ARHGEF10L: variants seen among roughly 807,000 people sequenced by gnomAD.
The protein encoded by ARHGEF10L is rho guanine nucleotide exchange factor 10-like protein.
In ARHGEF10L, 69 loss-of-function variants were observed where a neutral mutation model predicts 141.2. That is an observed-to-expected ratio of 0.49 (90% CI 0.40 to 0.60). The LOEUF (loss-of-function observed/expected upper bound fraction) is 0.60, where lower values mean the gene tolerates loss of function less well. Ranked by LOEUF, ARHGEF10L falls within the 20% of genes least tolerant of loss-of-function variation. ARHGEF10L has a pLI of 0.00. For missense variants in ARHGEF10L, 1,482 were observed against 1,734.3 expected (o/e 0.85, Z 2.58); for synonymous variants, 711 against 718.5 (o/e 0.99, Z 0.17).
chr1:17,670,852 A>C (rs1263767632), intron 26 of ARHGEF10L, among the ~76,000 whole-genome samples: 1 of 151,978 alleles, frequency 6.6e-6, no homozygotes, highest in Non-Finnish European at 1.5e-5. Flanking sequence ...CCAGGCCTTC[A>C]CCTCTGTTGT....
chr1:17,559,824 G>T (rs2077477617), intron 1 of ARHGEF10L, among the ~76,000 whole-genome samples: 1 of 152,080 alleles, frequency 6.6e-6, no homozygotes, highest in African/African-American at 2.4e-5. Context: ...GCTGGGGAGG[G>T]TGACTGTCCT....
At chr1:17,695,114 G>C (rs748575278) in intron 27 of ARHGEF10L, 44 bp from the exon 28 acceptor site, 2 of 1,610,028 alleles carry the variant, frequency 1.2e-6, no homozygotes, top group Admixed American at 1.7e-5. Context: ...AGCCCATGCT[G>C]TCTCCCCAGG....
At chr1:17,655,816 A>C (rs1322260718) in intron 23 of ARHGEF10L, 63 bp from the exon 24 acceptor site, 29 of 1,441,754 alleles carry the variant, frequency 2.0e-5, no homozygotes, top group Non-Finnish European at 2.6e-5. Context: ...GCAGGGGCTG[A>C]GGTCCTCCTC....
At chr1:17,543,452 C>T (rs552759424) in intron 1 of ARHGEF10L, among the ~76,000 whole-genome samples, 1 of 151,670 alleles carries the variant, frequency 6.6e-6, no homozygotes, top group East Asian at 2.0e-4. Context: ...GTGTGGTGGC[C>T]CATGCCTGTA....
Position 17,625,809 on chromosome 1 carries a change from C to T in ARHGEF10L, c.1318-147C>T. On this transcript the variant is annotated intron_variant, in intron 13 of 28. Transcript: ENST00000361221. This position sits in a 1 kb window ranked among gnomAD's most constrained non-coding sequence, Gnocchi z 4.5. ...GATCCCTGGCTGCAGAACCACGGAC[C>T]TCTCTCAGCTCTTCTTGCAAGCCCA... The T allele has an allele frequency of 1.5e-6, 1 of 676,498 alleles. No homozygotes were observed. Among genetic ancestry groups the T allele is most frequent in the Non-Finnish European group, 2.5e-6 (1 of 394,764 alleles). 41.9% of individuals were successfully genotyped at this position (676,498 alleles called of 1,614,324 possible).
intron 18 of ARHGEF10L, among the ~76,000 whole-genome samples, chr1:17,637,324 G>T (rs894270408): frequency 9.9e-5 from 15 of 152,102 alleles, no homozygotes; most frequent in Admixed American, 2.6e-4. Context: ...CCCTATGCAG[G>T]CCCCTCCTCT....
intron 7 of ARHGEF10L, among the ~76,000 whole-genome samples, chr1:17,609,965 C>T (rs1001976359): frequency 1.3e-5 from 2 of 152,212 alleles, no homozygotes; most frequent in Non-Finnish European, 2.9e-5. Context: ...GCAGTGTGAC[C>T]AGATGGGGCT....
At chr1:17,611,106 C>G (rs2059526837) in intron 7 of ARHGEF10L, among the ~76,000 whole-genome samples, 1 of 152,228 alleles carries the variant, frequency 6.6e-6, no homozygotes, top group Non-Finnish European at 1.5e-5. Flanking sequence ...CCAGCCTGGT[C>G]TACCCCCTGC....
intron 1 of ARHGEF10L, among the ~76,000 whole-genome samples, chr1:17,561,940 C>T (rs1360658849): frequency 6.6e-6 from 1 of 152,216 alleles, no homozygotes; most frequent in East Asian, 1.9e-4. Context: ...CAGAGCTGCA[C>T]AGACCTGGGC....
Position 17,651,272 on chromosome 1 carries a change from T to C in ARHGEF10L, c.2394+2597T>C, listed in dbSNP as rs531931114. ...GCCGTCGGCAAGGGAGGTGGACACA[T>C]TGGGGATGTGTTGGGGTGGGACAGG... is the stretch of plus-strand genomic sequence containing the variant. On this transcript the variant is annotated intron_variant, in intron 22 of 28. Coordinates refer to ENST00000361221, the MANE Select transcript of ARHGEF10L (RefSeq NM_018125.4). 2.6e-5 allele frequency among the ~76,000 whole-genome samples: 4 copies of C among 152,068 alleles called. No individual in the cohort carries two copies. In the South Asian group the frequency reaches 6.2e-4, roughly 24 times the overall value.
chr1:17,588,600 C>G, intron 4 of ARHGEF10L, 121 bp downstream of exon 4: 5 of 1,242,816 alleles, frequency 4.0e-6, no homozygotes, highest in Non-Finnish European at 5.8e-6. Flanking sequence ...AGGAGGAAAG[C>G]ATTTCACTGA....
chr1:17,514,572 G>T, the ARHGEF10L span, among the ~76,000 whole-genome samples: 1 of 152,192 alleles, frequency 6.6e-6, no homozygotes, highest in Non-Finnish European at 1.5e-5. Flanking sequence ...AAATGGGAGG[G>T]TTGTTTGGGA....
chr1:17,634,580 C>T lies in ARHGEF10L; in HGVS notation c.1745+18C>T, dbSNP rs201468045. ...AACCACAGGTACGTGGTTCAGGGGG[C>T]TCCGGGGCTCTGGGGCTCTGGGGCT... On this transcript the variant is annotated intron_variant, in intron 17 of 28. Transcript: ENST00000361221. The T allele has an allele frequency of 1.2e-5, 20 of 1,613,414 alleles. No individual in the cohort carries two copies. In the Admixed American group the frequency reaches 3.3e-4, roughly 27 times the overall value.
At chr1:17,540,741 G>T (rs531788990) in intron 1 of ARHGEF10L, among the ~76,000 whole-genome samples, 3 of 152,322 alleles carry the variant, frequency 2.0e-5, no homozygotes, top group South Asian at 4.1e-4. Flanking sequence ...GTGGTGGCTG[G>T]TGGGCTGCAC....
In ARHGEF10L at chr1:17,573,474, C is replaced by T. The variant is rs1305295210; in HGVS notation, c.-43-7079C>T. On this transcript the variant is annotated intron_variant, in intron 1 of 28. Coordinates refer to ENST00000361221, the MANE Select transcript of ARHGEF10L (RefSeq NM_018125.4). This position sits in a 1 kb window ranked among gnomAD's most constrained non-coding sequence, Gnocchi z 4.8. ...TCTCTGGAGAAGAGGGGGGTCAGTT[C>T]AGCTGATGGCAGGTGGCTTCCTCCG... Among the ~76,000 whole-genome samples the T allele has an allele frequency of 1.3e-5, 2 of 152,172 alleles. No homozygotes were observed. Among genetic ancestry groups the T allele is most frequent in the Admixed American group, 6.5e-5 (1 of 15,290 alleles).
At chr1:17,599,363 G>A (rs1488180132) in intron 4 of ARHGEF10L, among the ~76,000 whole-genome samples, 1 of 151,538 alleles carries the variant, frequency 6.6e-6, no homozygotes, top group East Asian at 1.9e-4. Flanking sequence ...AAAAAAAAAC[G>A]TGCAATTACA....
chr1:17,516,457 G>T, the ARHGEF10L span, among the ~76,000 whole-genome samples: 7 of 152,190 alleles, frequency 4.6e-5, no homozygotes, highest in Non-Finnish European at 7.3e-5. Context: ...ACAGATGGGG[G>T]CTGGTCCAGG....
intron 26 of ARHGEF10L, among the ~76,000 whole-genome samples, chr1:17,677,905 C>T (rs148778090): frequency 3.3e-5 from 5 of 152,098 alleles, no homozygotes; most frequent in African/African-American, 7.2e-5. Context: ...CCAGGCTGGG[C>T]GCCATCACTG....
At chr1:17,652,750 C>A (rs1482877531) in intron 22 of ARHGEF10L, among the ~76,000 whole-genome samples, 1 of 152,136 alleles carries the variant, frequency 6.6e-6, no homozygotes, top group Non-Finnish European at 1.5e-5. Context: ...AGTCTCAGAG[C>A]CCACCTGGGG....
Sources: allele counts gnomAD v4.1 joint callset (sites outside exome capture counted in the v4.1 genomes callset), GRCh38; gene constraint gnomAD v4.1.1; non-coding constraint Gnocchi (gnomAD v3.1); transcripts MANE v1.5; gene names NCBI Gene and HGNC (gene_info 2026-07-23, HGNC 2026-07-21).